The following ZNF721 variants were observed in gnomAD, a reference collection of about 807,000 sequenced individuals.
The protein encoded by ZNF721 is zinc finger protein 721.
ZNF721 carries 2 observed loss-of-function variants against 2.4 expected under a neutral mutation model. That is an observed-to-expected ratio of 0.82 (90% CI 0.34 to 2.58). The LOEUF is 2.58. ZNF721 is among the 30% of genes most tolerant of loss of function. The pLI, the probability that ZNF721 is intolerant of heterozygous loss-of-function variation, is 0.11. For missense variants in ZNF721, 1,187 were observed against 1,085.5 expected, an observed-to-expected ratio of 1.09 and a Z score of -1.31; for synonymous variants, 398 against 381.8, an observed-to-expected ratio of 1.04 and a Z score of -0.50.
At chr4:482,787 G>A (rs782158456) in intron 1 of ZNF721, among the ~76,000 whole-genome samples, 4 of 152,148 alleles carry the variant, frequency 2.6e-5, no homozygotes, top group African/African-American at 4.8e-5. Flanking sequence ...GAGCCACCGC[G>A]CTTGGCCTTA....
At chr4:449,426 A>T (rs188115995) in intron 2 of ZNF721, among the ~76,000 whole-genome samples, 1 of 152,278 alleles carries the variant, frequency 6.6e-6, no homozygotes, top group African/African-American at 2.4e-5. Context: ...CCTACCTCTT[A>T]TGATATAAAA....
rs781947891 is a variant in ZNF721 at position 496,707 on chromosome 4, CTTTTTTTT to C, written c.-94+2341_-94+2348del. 4.0e-3 allele frequency among the ~76,000 whole-genome samples: 335 copies of C among 83,888 alleles called. 4 individuals are homozygous for C. Among genetic ancestry groups the C allele is most frequent in the Non-Finnish European group, 5.4e-3 (245 of 45,202 alleles). The allele number at this position is 83,888 out of a possible 152,430, so 55.0% of individuals were successfully genotyped here. A position where few individuals can be genotyped will look rare whatever the true frequency, so the allele number is the denominator to read the frequency against. ...AATGATCACACAAAATACATGACTT[CTTTTTTTT>C]TTTTTTTTTTTTTTTTTGAGACGGA... On this transcript the variant is annotated intron_variant, in intron 1 of 2. Coordinates refer to ENST00000511833, the MANE Select transcript of ZNF721 (RefSeq NM_133474.4).
At position 441,635 on chromosome 4, in the gene ZNF721, G is replaced by C. The variant is rs1353005497; in HGVS notation, c.*60C>G. The C allele has an allele frequency of 4.3e-6, 6 of 1,384,894 alleles. No homozygotes were observed. In the South Asian group the frequency reaches 7.1e-5, roughly 16 times the overall value. The allele number at this position is 1,384,894 out of a possible 1,614,324, so 85.8% of individuals were successfully genotyped here. ...GTCACCTTCGTAAGACATTCCCCTGGTATGAGTTCTCTTATGTTTAAGAAT... is the reference window on the plus strand; with the variant it reads ...GTCACCTTCGTAAGACATTCCCCTGCTATGAGTTCTCTTATGTTTAAGAAT... On this transcript the variant is annotated 3_prime_UTR_variant, in exon 3 of 3. Transcript: ENST00000511833.
At chr4:493,862 A>G (rs1716085076) in intron 1 of ZNF721, among the ~76,000 whole-genome samples, 1 of 152,240 alleles carries the variant, frequency 6.6e-6, no homozygotes, top group African/African-American at 2.4e-5. Flanking sequence ...GACAACTTAT[A>G]GTATTTGGCA....
At chr4:449,601 A>T (rs933119737) in intron 2 of ZNF721, among the ~76,000 whole-genome samples, 2 of 152,168 alleles carry the variant, frequency 1.3e-5, no homozygotes, top group African/African-American at 4.8e-5. Context: ...CAAAGTAAAA[A>T]TGCTTTGCAT....
intron 1 of ZNF721, among the ~76,000 whole-genome samples, chr4:488,601 G>A (rs1166557813): frequency 6.6e-6 from 1 of 152,150 alleles, no homozygotes; most frequent in Non-Finnish European, 1.5e-5. Flanking sequence ...GGAGGCCGAG[G>A]CAGGCGGATC....
intron 2 of ZNF721, 41 bp downstream of exon 2, chr4:472,534 C>CA: frequency 1.3e-6 from 2 of 1,570,712 alleles, no homozygotes; most frequent in East Asian, 2.3e-5. Context: ...AAATAAAACT[C>CA]AGAGGGAGTA....
chr4:463,201 A>G (rs1256417282), intron 2 of ZNF721, among the ~76,000 whole-genome samples: 1 of 152,232 alleles, frequency 6.6e-6, no homozygotes, highest in African/African-American at 2.4e-5. Context: ...CAAAACCACA[A>G]TAAGATACCA....
intron 2 of ZNF721, among the ~76,000 whole-genome samples, chr4:467,223 AAAAC>A (rs57926313): frequency 1.3e-5 from 2 of 151,138 alleles, no homozygotes; most frequent in Non-Finnish European, 1.5e-5. Flanking sequence ...TCTCAAAAAA[AAAAC>A]AAACAAACAA....
intron 1 of ZNF721, among the ~76,000 whole-genome samples, chr4:496,707 CTTTT>C (rs781947891): frequency 1.3e-4 from 11 of 83,844 alleles, no homozygotes; most frequent in African/African-American, 3.7e-4. Flanking sequence ...TACATGACTT[CTTTT>C]TTTTTTTTTT....
At chr4:461,723 C>G (rs759837071) in intron 2 of ZNF721, among the ~76,000 whole-genome samples, 3 of 152,030 alleles carry the variant, frequency 2.0e-5, no homozygotes, top group South Asian at 2.1e-4. Context: ...AAATACAAAA[C>G]TTAGCCAGGC....
At chr4:455,085 A>G (rs1233328069) in intron 2 of ZNF721, among the ~76,000 whole-genome samples, 1 of 152,162 alleles carries the variant, frequency 6.6e-6, no homozygotes, top group African/African-American at 2.4e-5. Flanking sequence ...AATCCTCCAT[A>G]GTCTGGTGAA....
chr4:479,943 T>C (rs1715731693), intron 1 of ZNF721, among the ~76,000 whole-genome samples: 2 of 152,224 alleles, frequency 1.3e-5, no homozygotes, highest in African/African-American at 4.8e-5. Flanking sequence ...TTTGGGTGAA[T>C]GCTTTTCTCA....
At chr4:477,207 G>A (rs1381476767) in intron 1 of ZNF721, among the ~76,000 whole-genome samples, 5 of 147,430 alleles carry the variant, frequency 3.4e-5, no homozygotes, top group Non-Finnish European at 7.5e-5. Context: ...AACATGGAAA[G>A]TATCTTTCCC....
chr4:476,094 T>C (rs1715617310), intron 1 of ZNF721, among the ~76,000 whole-genome samples: 2 of 152,210 alleles, frequency 1.3e-5, no homozygotes, highest in Non-Finnish European at 2.9e-5. Context: ...TCATCCAAAA[T>C]GATACCACTG....
intron 1 of ZNF721, among the ~76,000 whole-genome samples, chr4:489,761 G>A (rs1553871224): frequency 6.6e-6 from 1 of 152,204 alleles, no homozygotes; most frequent in African/African-American, 2.4e-5. Context: ...TGCTGCAAAT[G>A]TAAAATAGTG....
intron 2 of ZNF721, among the ~76,000 whole-genome samples, chr4:469,227 A>G (rs1415839101): frequency 1.3e-5 from 2 of 152,134 alleles, no homozygotes; most frequent in African/African-American, 4.8e-5. Flanking sequence ...GAACCACTAC[A>G]CCTGCCCCAA....
At position 442,524 on chromosome 4, in the gene ZNF721, T is replaced by C. The variant is rs201011749; in HGVS notation, c.1943A>G (p.Lys648Arg). The C allele has an allele frequency of 1.1e-5, 18 of 1,613,646 alleles. No individual in the cohort carries two copies. Among genetic ancestry groups the C allele is most frequent in the African/African-American group, 5.3e-5 (4 of 74,820 alleles). The change falls in exon 3 of 3, where the codon AAA becomes AGA. Residue 648 changes from lysine (K) to arginine (R), a missense_variant. By Grantham distance (26) the Lys-to-Arg change is conservative. Transcript: ENST00000511833. ...CAGGTCTGTTGATGGGGCAAAGGCTTTGCCACACTCTTCACATTTGTAAGG... is the reference window on the plus strand; with the variant it reads ...CAGGTCTGTTGATGGGGCAAAGGCTCTGCCACACTCTTCACATTTGTAAGG... ...EKPYKCEECG[K>R]AFAPSTDLNQ...
rs782461698 is a variant in ZNF721, at chr4:472,615, T to C, written c.-7A>G. The C allele has an allele frequency of 1.9e-6, 3 of 1,614,042 alleles. No individual in the cohort carries two copies. The highest frequency in any genetic ancestry group is 2.5e-6 in the Non-Finnish European group (3 of 1,180,016). ...TTCTGTAGTTCTCCAACATCACATCTCTATACAAATTCTGCTGGGCAGGGT... is the reference window on the plus strand; with the variant it reads ...TTCTGTAGTTCTCCAACATCACATCCCTATACAAATTCTGCTGGGCAGGGT... On this transcript the variant is annotated 5_prime_UTR_variant, in exon 2 of 3. Coordinates refer to ENST00000511833, the MANE Select transcript of ZNF721 (RefSeq NM_133474.4).
Sources: gnomAD v4.1 joint callset for allele counts (sites outside exome capture counted in the v4.1 genomes callset) on GRCh38, gnomAD v4.1.1 for gene constraint, MANE v1.5 for transcripts, NCBI Gene and HGNC (gene_info 2026-07-23, HGNC 2026-07-21) for gene names.